The following GRID2 variants were observed in gnomAD, a reference collection of about 807,000 sequenced individuals.
GRID2 encodes the protein glutamate receptor ionotropic, delta-2.
GRID2 carries 33 observed loss-of-function variants against 114.8 expected under a neutral mutation model. The observed-to-expected ratio is 0.29, with a 90% CI of 0.22 to 0.38. GRID2 has a LOEUF of 0.38. Among genes scored for constraint, GRID2 ranks in the 10% least tolerant of loss-of-function variants. GRID2 has a pLI of 1.00. For synonymous variants in GRID2, 505 were observed against 449.9 expected (o/e 1.12, Z -1.55); for missense variants, 1,184 against 1,257.7 (o/e 0.94, Z 0.89).
intron 1 of GRID2, among the ~76,000 whole-genome samples, chr4:92,558,461 C>G (rs1726967799): frequency 6.6e-6 from 1 of 152,158 alleles, no homozygotes. Flanking sequence ...ATTTTTCTTA[C>G]AGTAAATGCA....
intron 2 of GRID2, among the ~76,000 whole-genome samples, chr4:92,873,213 T>C (rs1295802192): frequency 6.6e-6 from 1 of 152,168 alleles, no homozygotes; most frequent in African/African-American, 2.4e-5. Flanking sequence ...CATTTAGATG[T>C]TTAGTTTATT....
intron 14 of GRID2, among the ~76,000 whole-genome samples, chr4:93,692,324 A>C (rs1726640694): frequency 6.6e-6 from 1 of 152,134 alleles, no homozygotes; most frequent in African/African-American, 2.4e-5. Flanking sequence ...AAAGCTTTCC[A>C]GGCAGAGCAA....
chr4:93,278,768 AAAGATT>A (rs1446042692), intron 8 of GRID2, among the ~76,000 whole-genome samples: 1 of 152,022 alleles, frequency 6.6e-6, no homozygotes, highest in Admixed American at 6.6e-5. Flanking sequence ...TAAAGAAGTT[AAAGATT>A]ATTTCATAAT....
intron 13 of GRID2, among the ~76,000 whole-genome samples, chr4:93,593,874 C>T (rs1341679026): frequency 9.2e-5 from 14 of 151,998 alleles, no homozygotes; most frequent in African/African-American, 3.4e-4. Context: ...GCATTCTTCA[C>T]GTAGTTCTCG....
chr4:93,226,331 TTATC>T (rs1172991716), intron 7 of GRID2, among the ~76,000 whole-genome samples: 1 of 152,176 alleles, frequency 6.6e-6, no homozygotes, highest in African/African-American at 2.4e-5. Flanking sequence ...TCAAAACTGA[TTATC>T]TACTTCCAAA....
chr4:92,745,016 A>G (rs538478343), intron 2 of GRID2, among the ~76,000 whole-genome samples: 2 of 152,250 alleles, frequency 1.3e-5, no homozygotes, highest in African/African-American at 4.8e-5. Context: ...TTATAAAGTA[A>G]ATGAGAAGAT....
intron 1 of GRID2, among the ~76,000 whole-genome samples, chr4:92,308,095 T>G (rs1725506040): frequency 6.6e-6 from 1 of 152,216 alleles, no homozygotes; most frequent in Non-Finnish European, 1.5e-5. Context: ...CCACGCTGAC[T>G]GCTATTTTCT....
chr4:92,718,328 G>T (rs930293089), intron 2 of GRID2, among the ~76,000 whole-genome samples: 21 of 152,028 alleles, frequency 1.4e-4, no homozygotes, highest in African/African-American at 5.1e-4. Context: ...CTGTGTACTT[G>T]TTTACATGGT....
intron 13 of GRID2, among the ~76,000 whole-genome samples, chr4:93,561,565 G>A (rs1315537197): frequency 6.6e-6 from 1 of 152,062 alleles, no homozygotes; most frequent in Non-Finnish European, 1.5e-5. Flanking sequence ...CACAGTTCAT[G>A]TTAGGGTTCA....
intron 8 of GRID2, among the ~76,000 whole-genome samples, chr4:93,271,519 T>C (rs112343197): frequency 3.4e-4 from 51 of 152,146 alleles, no homozygotes; most frequent in African/African-American, 9.7e-4. Context: ...CAGCTGTAGA[T>C]TTCCCACCTG....
intron 8 of GRID2, among the ~76,000 whole-genome samples, chr4:93,267,137 T>TA (rs1750927723): frequency 6.6e-6 from 1 of 151,752 alleles, no homozygotes; most frequent in Non-Finnish European, 1.5e-5. Context: ...TATGGGTGGA[T>TA]AGTGTTCCAT....
At chr4:93,053,874 T>C (rs1726962861) in intron 2 of GRID2, among the ~76,000 whole-genome samples, 1 of 151,936 alleles carries the variant, frequency 6.6e-6, no homozygotes, top group Non-Finnish European at 1.5e-5. Flanking sequence ...ATTAACAATA[T>C]GTTATATTCC....
At chr4:93,029,373 G>T (rs2149255431) in intron 2 of GRID2, among the ~76,000 whole-genome samples, 1 of 151,892 alleles carries the variant, frequency 6.6e-6, no homozygotes, top group South Asian at 2.1e-4. Context: ...TGTTAATTTT[G>T]AATTTGAAGA....
chr4:92,362,747 A>G (rs891500715), intron 1 of GRID2, among the ~76,000 whole-genome samples: 9 of 152,074 alleles, frequency 5.9e-5, no homozygotes, highest in Admixed American at 1.3e-4. Flanking sequence ...AGATTCAGAA[A>G]CCAAACACAT....
chr4:93,700,723 A>G (rs1230707169), intron 14 of GRID2, among the ~76,000 whole-genome samples: 1 of 152,168 alleles, frequency 6.6e-6, no homozygotes, highest in African/African-American at 2.4e-5. Flanking sequence ...CAAATGAGGC[A>G]TTAAGGCTGT....
rs189559239 is a variant in GRID2 at position 93,651,173 on chromosome 4, A to C, written c.2360+24738A>C. Among the ~76,000 whole-genome samples the C allele has an allele frequency of 1.3e-3, 202 of 152,260 alleles. 2 individuals carry two copies. The South Asian group carries it at 0.016, about 12-fold the overall frequency. ...TCATATTCCCTTCAGAGTTTCTCAT[A>C]TCTTTTGTCAACATTGAAAATCCAT... On this transcript the variant is annotated intron_variant, in intron 14 of 15. Coordinates refer to ENST00000282020, the MANE Select transcript of GRID2 (RefSeq NM_001510.4).
chr4:92,438,410 C>T (rs144019417), intron 1 of GRID2, among the ~76,000 whole-genome samples: 13 of 151,858 alleles, frequency 8.6e-5, no homozygotes, highest in African/African-American at 3.1e-4. Context: ...TTTTGTGCTC[C>T]CATAATCCCT....
At chr4:92,420,509 A>G (rs1420367621) in intron 1 of GRID2, among the ~76,000 whole-genome samples, 1 of 152,150 alleles carries the variant, frequency 6.6e-6, no homozygotes, top group Admixed American at 6.6e-5. Context: ...AAGACAAATC[A>G]TATTTTTGTT....
At chr4:93,531,068 G>T (rs2149513454) in intron 13 of GRID2, among the ~76,000 whole-genome samples, 1 of 152,190 alleles carries the variant, frequency 6.6e-6, no homozygotes, top group South Asian at 2.1e-4. Context: ...ACTTTGATTA[G>T]GGAAGGATGC....
Sources: gnomAD v4.1 joint callset for allele counts (sites outside exome capture counted in the v4.1 genomes callset) on GRCh38, gnomAD v4.1.1 for gene constraint, MANE v1.5 for transcripts, NCBI Gene and HGNC (gene_info 2026-07-23, HGNC 2026-07-21) for gene names.